Variants in KDM6A observed in about 807,000 individuals in gnomAD.
KDM6A encodes lysine-specific demethylase 6A.
Under a neutral mutation model 117.6 loss-of-function variants are expected in KDM6A, and 11 were observed. That is an observed-to-expected ratio of 0.09 (90% CI 0.06 to 0.15). The LOEUF is 0.15. Ranked by LOEUF, KDM6A falls within the 10% of genes least tolerant of loss-of-function variation. The probability of loss-of-function intolerance (pLI) is 1.00; values close to 1 mark genes in which losing one functional copy is unlikely to be tolerated. For missense variants in KDM6A, 799 were observed against 1,077.3 expected (o/e 0.74, Z 3.62); for synonymous variants, 384 against 396.1 (o/e 0.97, Z 0.36).
At chrX:45,104,019 G>A (rs901129911) in intron 27 of KDM6A, among the ~76,000 whole-genome samples, 3 of 107,137 alleles carry the variant, frequency 2.8e-5, no homozygotes, top group African/African-American at 1.1e-4. Flanking sequence ...TTAGCAAATT[G>A]AATTCTTTTT....
chrX:45,083,204 A>AT (rs1399965972), intron 23 of KDM6A, among the ~76,000 whole-genome samples: 37 of 111,764 alleles, frequency 3.3e-4, no homozygotes, highest in African/African-American at 1.1e-3. Flanking sequence ...TTACGTGAAA[A>AT]TGTATTTATA....
chrX:45,038,194 G>T (rs763426226), intron 8 of KDM6A, among the ~76,000 whole-genome samples: 1 of 111,449 alleles, frequency 9.0e-6, no homozygotes, highest in African/African-American at 3.3e-5. Context: ...CTGCACTCTA[G>T]CCTGGGCAAC....
At chrX:45,058,022 G>A (rs1373746719) in intron 10 of KDM6A, among the ~76,000 whole-genome samples, 1 of 105,931 alleles carries the variant, frequency 9.4e-6, no homozygotes, top group African/African-American at 3.5e-5. Flanking sequence ...CTGGCAATTA[G>A]GAATCACTAA....
At chrX:45,023,003 A>G (rs1487175387) in intron 6 of KDM6A, among the ~76,000 whole-genome samples, 1 of 112,103 alleles carries the variant, frequency 8.9e-6, no homozygotes, top group African/African-American at 3.2e-5. Flanking sequence ...TAGGAGAAAG[A>G]TCCTGGTTGC....
chrX:44,932,641 T>C (rs2036701569), intron 2 of KDM6A, among the ~76,000 whole-genome samples: 1 of 111,529 alleles, frequency 9.0e-6, no homozygotes, highest in South Asian at 3.7e-4. Flanking sequence ...CTTATTTCAC[T>C]TAGTCCCACA....
chrX:44,901,450 T>G (rs1200662276), intron 2 of KDM6A, among the ~76,000 whole-genome samples: 2 of 111,215 alleles, frequency 1.8e-5, no homozygotes. Context: ...GTAGAATGTG[T>G]ATTCTGCTGT....
intron 4 of KDM6A, 137 bp downstream of exon 4, chrX:44,974,852 A>G (rs374077590): frequency 9.0e-5 from 46 of 512,342 alleles, no homozygotes; most frequent in East Asian, 2.5e-4. Context: ...GGTATTGGAA[A>G]AGGGTTGAGA....
At chrX:45,066,453 TC>T (rs1346417553) in intron 17 of KDM6A, among the ~76,000 whole-genome samples, 1 of 111,196 alleles carries the variant, frequency 9.0e-6, no homozygotes, top group Admixed American at 9.6e-5. Flanking sequence ...ACAGTAAAAG[TC>T]AATGGGAAAG....
At chrX:45,008,545 A>G (rs2041613080) in intron 4 of KDM6A, among the ~76,000 whole-genome samples, 1 of 110,869 alleles carries the variant, frequency 9.0e-6, no homozygotes, top group Admixed American at 9.6e-5. Context: ...CTTTTTAGGT[A>G]GAACACTAAA....
At chrX:44,873,864 C>T (rs930432966) in intron 1 of KDM6A, 60 bp from the exon 2 acceptor site, 30 of 1,171,509 alleles carry the variant, frequency 2.6e-5, no homozygotes, top group Non-Finnish European at 3.2e-5. Flanking sequence ...CGGGCTCGGG[C>T]AGGGACGGGT....
chrX:45,062,739 A>G lies in KDM6A; in HGVS notation c.1674A>G (p.Gln558=), dbSNP rs773682292. 12 of 1,163,573 alleles carry G rather than the reference A, an allele frequency of 1.0e-5. No homozygotes were observed. Among genetic ancestry groups the G allele is most frequent in the African/African-American group, 7.1e-5 (4 of 56,499 alleles). The change falls in exon 16 of 30, where the codon CAA becomes CAG. Residue 558 remains glutamine, a synonymous_variant. Coordinates refer to ENST00000611820, the MANE Select transcript of KDM6A (RefSeq NM_001291415.2). ...EQLESQFVLM[Q]QHQMRPTGVA... is the part of the protein sequence containing the mutation. ...TGGAAAGTCAGTTTGTCTTAATGCA[A>G]CAACACCAAGTGTGTATAGCATATT... is the stretch of plus-strand genomic sequence containing the variant.
At position 44,961,345 on chromosome X, in the gene KDM6A, T is replaced by G; in HGVS notation, c.287T>G (p.Phe96Cys). 8.3e-7 allele frequency: 1 copy of G among 1,202,301 alleles called. No homozygotes were observed. Among genetic ancestry groups the G allele is most frequent in the Non-Finnish European group, 1.1e-6 (1 of 887,407 alleles). Residue 96 changes from phenylalanine to cysteine, a missense_variant, in exon 3 of 30, where the codon TTT (phenylalanine) becomes TGT (cysteine). Physicochemically the swap from Phe to Cys is radical, Grantham distance 205. Transcript: ENST00000611820. Reference sequence around the variant, plus strand: ...GAAGGAAAAGTGGAGTCTGATTTCTTTTGTCAATTAGGTCACTTCAACCTC... The same window carrying G: ...GAAGGAAAAGTGGAGTCTGATTTCTGTTGTCAATTAGGTCACTTCAACCTC... ...KAEGKVESDF[F>C]CQLGHFNLLL...
chrX:45,105,815 G>A (rs1253637811), intron 27 of KDM6A, among the ~76,000 whole-genome samples: 1 of 112,290 alleles, frequency 8.9e-6, no homozygotes, highest in Non-Finnish European at 1.9e-5. Flanking sequence ...CTGCACAGCA[G>A]GAGGTGAGCA....
intron 7 of KDM6A, among the ~76,000 whole-genome samples, chrX:45,035,867 TTTTTTGTATTTTTAGTAGACATGGGG>T (rs1210117699): frequency 9.1e-6 from 1 of 109,319 alleles, no homozygotes; most frequent in Non-Finnish European, 1.9e-5. Flanking sequence ...GCCCAGCTAA[TTTTTTGTATTTTTAGTAGACATGGGG>T]TTTCACCGTG....
intron 2 of KDM6A, among the ~76,000 whole-genome samples, chrX:44,908,201 A>G (rs1186632458): frequency 9.0e-6 from 1 of 110,649 alleles, no homozygotes; most frequent in Non-Finnish European, 1.9e-5. Flanking sequence ...GACACTTGGC[A>G]TTTCATGTAC....
chrX:45,076,780 C>T lies in KDM6A; in HGVS notation c.2942C>T (p.Pro981Leu), dbSNP rs2148102334. ...CCAAGACCACCATCTTCACCATACC[C>T]TCCCTTGCCAAAGGACAAGTTGAAT... ...PPPRPPSSPYPPLPKDKLNPP... is the reference protein window; with the variant it reads ...PPPRPPSSPYLPLPKDKLNPP... The change falls in exon 19 of 30, where the codon CCT becomes CTT. Residue 981 changes from proline (P) to leucine (L), a missense_variant. Pro to Leu is a moderately conservative substitution (Grantham distance 98). This residue lies in a region of KDM6A where 291 missense variants were observed against 437.9 expected (regional missense o/e 0.66). Coordinates refer to ENST00000611820, the MANE Select transcript of KDM6A (RefSeq NM_001291415.2). 8.4e-7 allele frequency: 1 copy of T among 1,196,388 alleles called. No homozygotes were observed. The highest frequency in any genetic ancestry group is 3.0e-5 in the East Asian group (1 of 33,714).
chrX:44,891,734 G>T (rs984560750), intron 2 of KDM6A, among the ~76,000 whole-genome samples: 2 of 111,924 alleles, frequency 1.8e-5, no homozygotes, highest in African/African-American at 6.5e-5. Context: ...CCACCCTACT[G>T]CCGTGTCCAG....
At chrX:45,047,675 T>TTTC (rs2043621280) in intron 8 of KDM6A, among the ~76,000 whole-genome samples, 1 of 26,085 alleles carries the variant, frequency 3.8e-5, no homozygotes, top group African/African-American at 5.2e-4. Context: ...TTTTTTTTTC[T>TTTC]TTTTTTTTTT....
chrX:45,007,800 C>T (rs1229739688), intron 4 of KDM6A, among the ~76,000 whole-genome samples: 1 of 111,918 alleles, frequency 8.9e-6, no homozygotes, highest in Admixed American at 9.5e-5. Context: ...GACCTAGTTT[C>T]AGTTCCTATG....
Sources: allele counts gnomAD v4.1 joint callset (sites outside exome capture counted in the v4.1 genomes callset), GRCh38; gene constraint gnomAD v4.1.1; regional missense constraint gnomAD v4.1.1; transcripts MANE v1.5; gene names NCBI Gene and HGNC (gene_info 2026-07-23, HGNC 2026-07-21).